The following LRRC4C variants were observed in gnomAD, a reference collection of about 807,000 sequenced individuals.
LRRC4C encodes leucine-rich repeat-containing protein 4C.
LRRC4C carries 5 observed loss-of-function variants against 33.6 expected under a neutral mutation model. That is an observed-to-expected ratio of 0.15 (90% CI 0.08 to 0.31). The LOEUF is 0.31. LRRC4C is among the 10% of genes least tolerant of loss of function. The pLI, the probability that LRRC4C is intolerant of heterozygous loss-of-function variation, is 1.00. For synonymous variants in LRRC4C, 329 were observed against 302.0 expected (o/e 1.09, Z -0.93); for missense variants, 560 against 796.7 (o/e 0.70, Z 3.58).
At chr11:41,165,285 G>A (rs1944669807) in intron 1 of LRRC4C, among the ~76,000 whole-genome samples, 1 of 152,062 alleles carries the variant, frequency 6.6e-6, no homozygotes, top group South Asian at 2.1e-4. Flanking sequence ...ATAAGGGTAT[G>A]GGATCACCAT....
intron 3 of LRRC4C, among the ~76,000 whole-genome samples, chr11:40,371,776 G>C (rs771702906): frequency 6.6e-6 from 1 of 152,158 alleles, no homozygotes; most frequent in Non-Finnish European, 1.5e-5. Context: ...AAATGCTATA[G>C]AATATTGAGG....
intron 4 of LRRC4C, among the ~76,000 whole-genome samples, chr11:40,266,793 A>G (rs1287305935): frequency 6.6e-6 from 1 of 152,190 alleles, no homozygotes; most frequent in Non-Finnish European, 1.5e-5. Flanking sequence ...AATGGAGTAT[A>G]GTCAGTCAAT....
At chr11:41,242,776 T>G (rs895600029) in intron 1 of LRRC4C, among the ~76,000 whole-genome samples, 3 of 152,148 alleles carry the variant, frequency 2.0e-5, no homozygotes, top group Non-Finnish European at 4.4e-5. Flanking sequence ...TTGGGACAAA[T>G]CTCTATCATA....
intron 3 of LRRC4C, among the ~76,000 whole-genome samples, chr11:40,558,116 A>G (rs2135487110): frequency 6.6e-6 from 1 of 152,344 alleles, no homozygotes; most frequent in South Asian, 2.1e-4. Context: ...CACTGCAATT[A>G]CTGTTCAGAA....
At chr11:41,076,671 C>G (rs1159204404) in intron 1 of LRRC4C, among the ~76,000 whole-genome samples, 3 of 152,170 alleles carry the variant, frequency 2.0e-5, no homozygotes, top group Non-Finnish European at 4.4e-5. Flanking sequence ...AGTGGGGCCA[C>G]AGAGCCAAAC....
chr11:41,162,591 G>A (rs139203429), intron 1 of LRRC4C, among the ~76,000 whole-genome samples: 91 of 152,162 alleles, frequency 6.0e-4, no homozygotes, highest in Middle Eastern at 3.4e-3. Flanking sequence ...AAACCTGTAC[G>A]GTATGTTATT....
chr11:40,168,924 A>T (rs528462876), intron 5 of LRRC4C, among the ~76,000 whole-genome samples: 1 of 152,188 alleles, frequency 6.6e-6, no homozygotes, highest in African/African-American at 2.4e-5. Context: ...CATCGCCTTC[A>T]TGTTTCCTCT....
intron 1 of LRRC4C, among the ~76,000 whole-genome samples, chr11:41,329,738 G>A (rs565907889): frequency 1.3e-5 from 2 of 152,298 alleles, no homozygotes; most frequent in South Asian, 2.1e-4. Context: ...ACCCATTAAT[G>A]TGAGTTTTGG....
intron 3 of LRRC4C, among the ~76,000 whole-genome samples, chr11:40,419,260 T>C (rs1448249375): frequency 6.6e-6 from 1 of 152,120 alleles, no homozygotes; most frequent in Non-Finnish European, 1.5e-5. Context: ...GAAAAAATAT[T>C]TGAGAAATAT....
chr11:40,193,803 GA>G (rs1862038726), intron 5 of LRRC4C, among the ~76,000 whole-genome samples: 1 of 152,120 alleles, frequency 6.6e-6, no homozygotes. Flanking sequence ...AGACCTTTGT[GA>G]AGCATACACA....
At chr11:40,536,345 C>A (rs1335372954) in intron 3 of LRRC4C, among the ~76,000 whole-genome samples, 3 of 152,126 alleles carry the variant, frequency 2.0e-5, no homozygotes, top group African/African-American at 4.8e-5. Context: ...AGGCGCACAC[C>A]ACCATGCCTA....
intron 3 of LRRC4C, among the ~76,000 whole-genome samples, chr11:40,376,714 T>C (rs1399753751): frequency 6.7e-6 from 1 of 148,220 alleles, no homozygotes; most frequent in East Asian, 1.9e-4. Context: ...TATCAATGTG[T>C]GTGCTTATGT....
Position 40,947,794 on chromosome 11 carries a change from G to C in LRRC4C, c.-495-14071C>G, listed in dbSNP as rs542497931. ...CAAACTCTAGCCCAGTGGCCTCCCT[G>C]TACTCCCAGCTCTTTGACTGTGTCC... On this transcript the variant is annotated intron_variant, in intron 1 of 6. Coordinates refer to ENST00000528697, the MANE Select transcript of LRRC4C (RefSeq NM_001258419.2). Among the ~76,000 whole-genome samples the C allele has an allele frequency of 7.5e-4, 114 of 152,026 alleles. 6 individuals are homozygous for C. The South Asian group carries it at 0.023, about 31-fold the overall frequency.
chr11:40,579,300 T>A, intron 3 of LRRC4C, among the ~76,000 whole-genome samples: 1 of 149,652 alleles, frequency 6.7e-6, no homozygotes, highest in African/African-American at 2.5e-5. Flanking sequence ...CTTTCCGGTA[T>A]GGGCAACAGA....
intron 1 of LRRC4C, among the ~76,000 whole-genome samples, chr11:41,411,054 A>G (rs1043801263): frequency 4.6e-5 from 7 of 151,796 alleles, no homozygotes; most frequent in Non-Finnish European, 7.4e-5. Context: ...CACCTGTGTC[A>G]AAAGACCAGA....
intron 2 of LRRC4C, among the ~76,000 whole-genome samples, chr11:40,653,550 T>C (rs1173263727): frequency 1.3e-5 from 2 of 152,188 alleles, no homozygotes; most frequent in Non-Finnish European, 2.9e-5. Flanking sequence ...ATTCAAGAGG[T>C]AACTTGGGTT....
chr11:41,069,119 G>A (rs766262677), intron 1 of LRRC4C, among the ~76,000 whole-genome samples: 20 of 152,054 alleles, frequency 1.3e-4, no homozygotes, highest in South Asian at 4.1e-4. Flanking sequence ...TTCAACATTC[G>A]CAAATCAATA....
At chr11:40,685,773 C>G (rs1167800996) in intron 2 of LRRC4C, among the ~76,000 whole-genome samples, 1 of 151,732 alleles carries the variant, frequency 6.6e-6, no homozygotes, top group East Asian at 1.9e-4. Flanking sequence ...AGTTAAAAGA[C>G]AGCTTAAATA....
chr11:40,813,245 G>A (rs1008049155), intron 2 of LRRC4C, among the ~76,000 whole-genome samples: 1 of 152,118 alleles, frequency 6.6e-6, no homozygotes, highest in African/African-American at 2.4e-5. Context: ...ACCTGAGACT[G>A]GATAATTTAT....
Sources: gnomAD v4.1 joint callset for allele counts (sites outside exome capture counted in the v4.1 genomes callset) on GRCh38, gnomAD v4.1.1 for gene constraint, MANE v1.5 for transcripts, NCBI Gene and HGNC (gene_info 2026-07-23, HGNC 2026-07-21) for gene names.